NEK10: variants seen among roughly 807,000 people sequenced by gnomAD.
NEK10 encodes the protein NIMA related kinase 10.
NEK10 carries 122 observed loss-of-function variants against 159.8 expected under a neutral mutation model. That is an observed-to-expected ratio of 0.76 (90% CI 0.66 to 0.89). The LOEUF (loss-of-function observed/expected upper bound fraction) is 0.89, where lower values mean the gene tolerates loss of function less well. Ranked by LOEUF, NEK10 falls within the 40% of genes least tolerant of loss-of-function variation. NEK10 has a pLI of 0.00. For synonymous variants in NEK10, 466 were observed against 457.1 expected, an observed-to-expected ratio of 1.02 and a Z score of -0.25; for missense variants, 1,342 against 1,323.1, an observed-to-expected ratio of 1.01 and a Z score of -0.22.
intron 18 of NEK10, among the ~76,000 whole-genome samples, chr3:27,290,980 A>C (rs950155420): frequency 3.9e-5 from 6 of 152,222 alleles, no homozygotes; most frequent in African/African-American, 1.4e-4. Flanking sequence ...GCATTTTTTA[A>C]TTTAGAGATT....
At chr3:27,258,879 T>G (rs1575483164) in intron 22 of NEK10, among the ~76,000 whole-genome samples, 1 of 152,308 alleles carries the variant, frequency 6.6e-6, no homozygotes, top group African/African-American at 2.4e-5. Context: ...CTCCAGCACC[T>G]GTTGTTTCCT....
chr3:27,250,503 C>G (rs530717683), intron 23 of NEK10, among the ~76,000 whole-genome samples: 3 of 152,052 alleles, frequency 2.0e-5, no homozygotes, highest in Non-Finnish European at 4.4e-5. Flanking sequence ...TTACTATTAC[C>G]AGTGAGTTTT....
chr3:27,305,498 C>A (rs976924895), intron 11 of NEK10, among the ~76,000 whole-genome samples: 1 of 151,790 alleles, frequency 6.6e-6, no homozygotes, highest in African/African-American at 2.4e-5. Flanking sequence ...TGCACTCCAG[C>A]CTGGGTGACA....
chr3:27,284,291 G>T (rs114229565), intron 22 of NEK10, among the ~76,000 whole-genome samples: 1,707 of 152,194 alleles, frequency 0.011, 45 homozygotes, highest in African/African-American at 0.039. Context: ...ATGCTGAGGT[G>T]CAAGAATCAC....
At chr3:27,355,794 A>C (rs1237969860) in intron 1 of NEK10, among the ~76,000 whole-genome samples, 1 of 151,946 alleles carries the variant, frequency 6.6e-6, no homozygotes, top group East Asian at 1.9e-4. Context: ...TCCAACCATG[A>C]CTTTCACTGC....
At chr3:27,166,178 G>T (rs1946456941) in intron 29 of NEK10, among the ~76,000 whole-genome samples, 4 of 152,138 alleles carry the variant, frequency 2.6e-5, no homozygotes, top group Admixed American at 2.6e-4. Flanking sequence ...AATATGTCCT[G>T]TGTGAATAAG....
At chr3:27,282,618 T>C (rs2042274640) in intron 22 of NEK10, among the ~76,000 whole-genome samples, 1 of 127,748 alleles carries the variant, frequency 7.8e-6, no homozygotes, top group South Asian at 2.3e-4. Context: ...ATAACTGTGT[T>C]ATATATATAT....
At chr3:27,152,693 T>C (rs1945002642) in intron 30 of NEK10, among the ~76,000 whole-genome samples, 1 of 151,584 alleles carries the variant, frequency 6.6e-6, no homozygotes, top group Admixed American at 6.6e-5. Context: ...GTAAATGGCC[T>C]AAATGCTCTG....
chr3:27,349,931 C>T (rs2047845536), intron 3 of NEK10, among the ~76,000 whole-genome samples: 1 of 152,142 alleles, frequency 6.6e-6, no homozygotes, highest in African/African-American at 2.4e-5. Context: ...TGCAGAGATA[C>T]ACAGAGTGTA....
intron 23 of NEK10, among the ~76,000 whole-genome samples, chr3:27,225,461 CTCTTT>C (rs1353536892): frequency 6.6e-6 from 1 of 151,676 alleles, no homozygotes; most frequent in African/African-American, 2.4e-5. Flanking sequence ...ATAATGTCCC[CTCTTT>C]TCTTTAATCC....
At chr3:27,211,940 G>A (rs1355565659) in intron 23 of NEK10, among the ~76,000 whole-genome samples, 1 of 152,182 alleles carries the variant, frequency 6.6e-6, no homozygotes, top group Non-Finnish European at 1.5e-5. Flanking sequence ...GTTTGACTTT[G>A]GAGGTGAGGT....
At chr3:27,311,055 A>AGTAC (rs1258332336) in intron 8 of NEK10, 39 bp from the exon 9 acceptor site, 7 of 1,305,100 alleles carry the variant, frequency 5.4e-6, no homozygotes, top group Non-Finnish European at 5.6e-6. Flanking sequence ...GCATCCAGAG[A>AGTAC]TTAAAGGGGG....
chr3:27,115,786 T>C (rs1470099774), intron 35 of NEK10, among the ~76,000 whole-genome samples, 154 bp downstream of exon 35: 1 of 152,174 alleles, frequency 6.6e-6, no homozygotes, highest in Admixed American at 6.5e-5. Context: ...ATTCTACTTA[T>C]AGATGTATCT....
At position 27,258,464 on chromosome 3, in the gene NEK10, T is replaced by C. The variant is rs368060253; in HGVS notation, c.2015-2093A>G. Among the ~76,000 whole-genome samples, 60 of 148,668 alleles carry C rather than the reference T, an allele frequency of 4.0e-4. No individual in the cohort carries two copies. The East Asian group carries it at 0.01, about 26-fold the overall frequency. ...CAATTCCCACCTATGAGTGAGAACA[T>C]GCGGTGTTTGGTTTTTTGTTCTTGC... On this transcript the variant is annotated intron_variant, in intron 22 of 35. Coordinates refer to ENST00000691995, the MANE Select transcript of NEK10 (RefSeq NM_001394966.1).
chr3:27,174,626 T>C (rs759834076), intron 27 of NEK10, 24 bp downstream of exon 27: 16 of 1,603,036 alleles, frequency 1.0e-5, no homozygotes, highest in South Asian at 2.2e-5. Flanking sequence ...AGTACCTACG[T>C]TGACACACTG....
chr3:27,305,627 A>AT (rs57960796), intron 11 of NEK10, among the ~76,000 whole-genome samples: 31,740 of 140,236 alleles, frequency 0.23, 3,758 homozygotes, highest in Middle Eastern at 0.36. Context: ...AAAAAAAAAA[A>AT]AAATAATAAT....
Position 27,178,697 on chromosome 3 carries a change from G to A in NEK10, c.2506-3864C>T, listed in dbSNP as rs1283382576. 2.0e-5 allele frequency among the ~76,000 whole-genome samples: 3 copies of A among 152,274 alleles called. 1 individual carries two copies. Among genetic ancestry groups the A allele is most frequent in the Middle Eastern group, 6.8e-3 (2 of 294 alleles). ...ATAAACTTAGTCCCTACATTTTAAG[G>A]TATATTTTTAAAAATCAGCCAGTGT... On this transcript the variant is annotated intron_variant, in intron 26 of 35. Transcript: ENST00000691995.
At chr3:27,263,213 G>A (rs1260805526) in intron 22 of NEK10, among the ~76,000 whole-genome samples, 1 of 152,206 alleles carries the variant, frequency 6.6e-6, no homozygotes, top group Non-Finnish European at 1.5e-5. Context: ...CATGTGAGGT[G>A]TCAGTCTGCC....
intron 19 of NEK10, among the ~76,000 whole-genome samples, chr3:27,288,482 C>T (rs545710316): frequency 6.6e-6 from 1 of 152,280 alleles, no homozygotes; most frequent in Non-Finnish European, 1.5e-5. Context: ...TCTTAGTAAA[C>T]TTCCATCCAC....
Sources: gnomAD v4.1 joint callset for allele counts (sites outside exome capture counted in the v4.1 genomes callset) on GRCh38, gnomAD v4.1.1 for gene constraint, MANE v1.5 for transcripts, NCBI Gene and HGNC (gene_info 2026-07-23, HGNC 2026-07-21) for gene names.